Variants in IPO8 observed in about 807,000 individuals in gnomAD.
The protein encoded by IPO8 is importin 8, also known as importin-8.
Under a neutral mutation model 141.2 loss-of-function variants are expected in IPO8, and 65 were observed. The observed-to-expected ratio is 0.46, with a 90% CI of 0.38 to 0.57. The LOEUF is 0.57. Ranked by LOEUF, IPO8 falls within the 20% of genes least tolerant of loss-of-function variation. The pLI is 0.00. For missense variants in IPO8, 980 were observed against 1,246.8 expected, an observed-to-expected ratio of 0.79 and a Z score of 3.22; for synonymous variants, 411 against 420.3, an observed-to-expected ratio of 0.98 and a Z score of 0.27.
At chr12:30,675,666 A>AAAAAAAAAC (rs1315779090) in intron 6 of IPO8, among the ~76,000 whole-genome samples, 1 of 151,166 alleles carries the variant, frequency 6.6e-6, no homozygotes, top group African/African-American at 2.4e-5. Flanking sequence ...TCTCTACTAA[A>AAAAAAAAAC]AAAAAAAACA....
Position 30,669,793 on chromosome 12 carries a change from A to G in IPO8, c.1045-511T>C, listed in dbSNP as rs565770596. Reference sequence around the variant, plus strand: ...AAAAAAAAAAATTGGAATTTTCTTTACTTCTATTCCCAAAAAAACTAATTT... The same window carrying G: ...AAAAAAAAAAATTGGAATTTTCTTTGCTTCTATTCCCAAAAAAACTAATTT... On this transcript the variant is annotated intron_variant, in intron 9 of 24. Transcript: ENST00000256079. Among the ~76,000 whole-genome samples the G allele has an allele frequency of 2.0e-5, 3 of 151,966 alleles. No homozygotes were observed. In the South Asian group the frequency reaches 6.2e-4, roughly 32 times the overall value.
intron 24 of IPO8, 46 bp downstream of exon 24, chr12:30,631,849 G>A: frequency 7.8e-7 from 1 of 1,284,492 alleles, no homozygotes. Context: ...GCTGTCTGTT[G>A]GCACTCTGAC....
Position 30,629,316 on chromosome 12 carries a change from G to T in IPO8, c.*1544C>A, listed in dbSNP as rs1447775283. Reference sequence around the variant, plus strand: ...AAAATTTCTCCCAATGCCATCTTTCGCTTCTAACTGCCAGTTGGCACATTC... The same window carrying T: ...AAAATTTCTCCCAATGCCATCTTTCTCTTCTAACTGCCAGTTGGCACATTC... On this transcript the variant is annotated 3_prime_UTR_variant, in exon 25 of 25. Coordinates refer to ENST00000256079, the MANE Select transcript of IPO8 (RefSeq NM_006390.4). 6.6e-6 allele frequency: 1 copy of T among 152,170 alleles called. No individual in the cohort carries two copies. Among genetic ancestry groups the T allele is most frequent in the East Asian group, 1.9e-4 (1 of 5,188 alleles). The allele number at this position is 152,170 out of a possible 1,614,324, so 9.4% of individuals were successfully genotyped here.
At chr12:30,671,627 T>A (rs1033854048) in intron 8 of IPO8, among the ~76,000 whole-genome samples, 2 of 132,078 alleles carry the variant, frequency 1.5e-5, no homozygotes, top group Non-Finnish European at 3.0e-5. Context: ...TGAGCCGAGA[T>A]CGCGCCACTG....
chr12:30,681,670 C>G lies in IPO8; in HGVS notation c.471G>C (p.Val157=). 6.2e-7 allele frequency: 1 copy of G among 1,612,744 alleles called. No individual in the cohort carries two copies. Among genetic ancestry groups the G allele is most frequent in the Non-Finnish European group, 8.5e-7 (1 of 1,179,364 alleles). The change falls in exon 4 of 25, where the codon GTG becomes GTC. Residue 157 remains valine (V), a synonymous_variant. Coordinates refer to ENST00000256079, the MANE Select transcript of IPO8 (RefSeq NM_006390.4). ...LGSLLCLYQL[V]KTYEYKKAEE... The stretch of plus-strand genomic sequence containing the variant: ...GGAAACCAACTTACTCATATGTCTT[C>G]ACCAGTTGATACAGGCATAATAAAC...
chr12:30,669,064 T>C (rs1271148659), intron 10 of IPO8, 119 bp downstream of exon 10: 1 of 505,316 alleles, frequency 2.0e-6, no homozygotes, highest in African/African-American at 2.0e-5. Context: ...TCAGATTATG[T>C]CATGCAAAAC....
chr12:30,639,254 T>C (rs1422853993), intron 21 of IPO8, among the ~76,000 whole-genome samples: 2 of 151,950 alleles, frequency 1.3e-5, no homozygotes, highest in African/African-American at 4.8e-5. Context: ...AGAGATACAA[T>C]GATACACTTG....
In IPO8 at chr12:30,690,530, G is replaced by T; in HGVS notation, c.132C>A (p.Val44=). The change falls in exon 2 of 25, where the codon GTC becomes GTA. Residue 44 remains valine, a synonymous_variant. Transcript: ENST00000256079. ...GTACTGGGAATTCCACATGGTCAGA[G>T]ACTATAATCCGAAGTAAACTGGGGG... ...NFAPSLLRII[V]SDHVEFPVRQ... The T allele has an allele frequency of 1.9e-6, 3 of 1,598,134 alleles. No homozygotes were observed. The highest frequency in any genetic ancestry group is 2.6e-6 in the Non-Finnish European group (3 of 1,173,242).
At chr12:30,683,215 G>A (rs2053206516) in intron 3 of IPO8, among the ~76,000 whole-genome samples, 1 of 152,110 alleles carries the variant, frequency 6.6e-6, no homozygotes, top group Non-Finnish European at 1.5e-5. Context: ...TACCACAGGG[G>A]TATCAGTCCC....
chr12:30,681,063 T>C (rs961017968), intron 4 of IPO8, among the ~76,000 whole-genome samples: 1 of 152,200 alleles, frequency 6.6e-6, no homozygotes, highest in Non-Finnish European at 1.5e-5. Context: ...GTTTAAAATT[T>C]AGGTGCTCTT....
In IPO8 at chr12:30,646,661, C is replaced by G. The variant is rs144152508; in HGVS notation, c.2268+2476G>C. ...GGTTGCAGGATACAAGATAAACATG[C>G]AAAAACAATTATATTTCTATACACT... is the stretch of plus-strand genomic sequence containing the variant. On this transcript the variant is annotated intron_variant, in intron 20 of 24. Transcript: ENST00000256079. Among the ~76,000 whole-genome samples the G allele has an allele frequency of 9.7e-3, 1,455 of 150,602 alleles. 18 individuals are homozygous for G. The highest frequency in any genetic ancestry group is 0.034 in the African/African-American group (1,384 of 41,148).
chr12:30,637,333 T>C (rs2052516969), intron 21 of IPO8, 146 bp from the exon 22 acceptor site: 1 of 640,498 alleles, frequency 1.6e-6, no homozygotes, highest in East Asian at 2.7e-5. Flanking sequence ...TTTTGTACTG[T>C]ATGAAATGCT....
intron 9 of IPO8, 149 bp downstream of exon 9, chr12:30,670,813 A>AAG (rs1179784495): frequency 3.6e-6 from 2 of 559,084 alleles, no homozygotes; most frequent in Admixed American, 3.6e-5. Flanking sequence ...AGCCCTTTAT[A>AAG]TCTGACATAG....
intron 10 of IPO8, among the ~76,000 whole-genome samples, chr12:30,668,400 A>G (rs1431696350): frequency 6.6e-6 from 1 of 152,224 alleles, no homozygotes; most frequent in Non-Finnish European, 1.5e-5. Context: ...TCATTACAGC[A>G]CTTTCAGCAC....
In IPO8 at chr12:30,636,967, ATTAGAAGAC is replaced by A. The variant is rs773079654; in HGVS notation, c.2695+6_2695+14del. On this transcript the variant is annotated splice_donor_region_variant and intron_variant, in intron 22 of 24. Coordinates refer to ENST00000256079, the MANE Select transcript of IPO8 (RefSeq NM_006390.4). ...AAAATCAATTGTAACATTAATTTCA[ATTAGAAGAC>A]TTTACCATTTTCTTCCATATCAGCT... The A allele has an allele frequency of 3.7e-6, 6 of 1,602,022 alleles. No individual in the cohort carries two copies. The highest frequency in any genetic ancestry group is 1.7e-5 in the Admixed American group (1 of 59,964).
chr12:30,695,148 T>C lies in IPO8; in HGVS notation c.84+416A>G, dbSNP rs552674232. On this transcript the variant is annotated intron_variant, in intron 1 of 24. Transcript: ENST00000256079. The surrounding 1 kb of genome is among the most constrained non-coding windows in gnomAD (Gnocchi z 4.2). ...GGGCAGCGTGCTCCACAGCAACACC[T>C]AAAAAGGGCTGGGTTTGGAAAAAAG... is the stretch of plus-strand genomic sequence containing the variant. 970 of 388,088 alleles carry C rather than the reference T, an allele frequency of 2.5e-3. 2 individuals are homozygous for C. The highest frequency in any genetic ancestry group is 4.2e-3 in the Non-Finnish European group (826 of 198,718). The allele number at this position is 388,088 out of a possible 1,614,324, so 24.0% of individuals were successfully genotyped here. A position where few individuals can be genotyped will look rare whatever the true frequency, so the allele number is the denominator to read the frequency against.
intron 20 of IPO8, among the ~76,000 whole-genome samples, chr12:30,648,448 G>A (rs2052678674): frequency 1.3e-5 from 2 of 152,006 alleles, no homozygotes; most frequent in African/African-American, 4.8e-5. Flanking sequence ...TTGGGAGAGG[G>A]GTAATGACAT....
chr12:30,653,975 T>G (rs954382536), intron 17 of IPO8, among the ~76,000 whole-genome samples: 1 of 151,892 alleles, frequency 6.6e-6, no homozygotes, highest in African/African-American at 2.4e-5. Flanking sequence ...TTTCTAAAAG[T>G]TCTAGCATGG....
intron 2 of IPO8, among the ~76,000 whole-genome samples, chr12:30,690,017 C>A (rs2053276581): frequency 1.3e-5 from 2 of 152,100 alleles, no homozygotes; most frequent in Admixed American, 1.3e-4. Context: ...ACGTAAGATC[C>A]CACAGACTTA....
Sources: allele counts gnomAD v4.1 joint callset (sites outside exome capture counted in the v4.1 genomes callset), GRCh38; gene constraint gnomAD v4.1.1; non-coding constraint Gnocchi (gnomAD v3.1); transcripts MANE v1.5; gene names NCBI Gene and HGNC (gene_info 2026-07-23, HGNC 2026-07-21).